CCDC38: variants seen among roughly 807,000 people sequenced by gnomAD.
CCDC38 encodes coiled-coil domain containing 38.
In CCDC38, 69 loss-of-function variants were observed where a neutral mutation model predicts 72.8. That is an observed-to-expected ratio of 0.95 (90% CI 0.78 to 1.16). CCDC38 has a LOEUF of 1.16. Among genes scored for constraint, CCDC38 ranks in the 50% most tolerant of loss-of-function variants. The probability of loss-of-function intolerance (pLI) is 0.00; values close to 1 mark genes in which losing one functional copy is unlikely to be tolerated. For synonymous variants in CCDC38, 201 were observed against 213.2 expected, an observed-to-expected ratio of 0.94 and a Z score of 0.50; for missense variants, 626 against 638.9, an observed-to-expected ratio of 0.98 and a Z score of 0.22.
intron 13 of CCDC38, among the ~76,000 whole-genome samples, chr12:95,876,390 A>G (rs1432717889): frequency 6.6e-6 from 1 of 152,202 alleles, no homozygotes; most frequent in Admixed American, 6.5e-5. Context: ...TGTACTTAAC[A>G]CTACTGACCC....
chr12:95,912,920 G>A (rs1232792057), intron 4 of CCDC38, among the ~76,000 whole-genome samples: 2 of 152,012 alleles, frequency 1.3e-5, no homozygotes, highest in East Asian at 1.9e-4. Flanking sequence ...AATTAGCCAG[G>A]CGTGGTCGTG....
rs761193961 is a variant in CCDC38 at position 95,878,308 on chromosome 12, A to AT, written c.1180dup (p.Met394AsnfsTer3). ...TTCTCTCACACAGTTAGCTTTAAGC[A>AT]TTTTTTCTTGCTCCAAAAGAAACTC... On this transcript the variant is annotated frameshift_variant, in exon 13 of 16. Coordinates refer to ENST00000344280, the MANE Select transcript of CCDC38 (RefSeq NM_182496.3). LOFTEE classifies it high-confidence loss of function. 14 of 1,613,314 alleles carry AT rather than the reference A, an allele frequency of 8.7e-6. No individual in the cohort carries two copies. Among genetic ancestry groups the AT allele is most frequent in the Admixed American group, 5.0e-5 (3 of 59,962 alleles).
intron 10 of CCDC38, among the ~76,000 whole-genome samples, 159 bp downstream of exon 10, chr12:95,888,299 C>G (rs960216386): frequency 6.6e-6 from 1 of 152,144 alleles, no homozygotes; most frequent in African/African-American, 2.4e-5. Flanking sequence ...GGAGAGAGGC[C>G]TGTGAGATCT....
At chr12:95,869,655 A>G in intron 14 of CCDC38, 82 bp from the exon 15 acceptor site, 1 of 995,662 alleles carries the variant, frequency 1.0e-6, no homozygotes, top group Non-Finnish European at 1.6e-6. Flanking sequence ...TTAATGAGCC[A>G]TGTGACTAGA....
At chr12:95,881,647 A>G in intron 10 of CCDC38, 93 bp from the exon 11 acceptor site, 2 of 889,464 alleles carry the variant, frequency 2.2e-6, no homozygotes, top group Non-Finnish European at 1.8e-6. Context: ...GTTGGAACCC[A>G]ACTGTAACAT....
chr12:95,931,832 T>C (rs1243020798), intron 2 of CCDC38, among the ~76,000 whole-genome samples: 2 of 152,122 alleles, frequency 1.3e-5, no homozygotes, highest in Non-Finnish European at 2.9e-5. Context: ...CAATTTTAAG[T>C]AGAGTGATCA....
chr12:95,870,745 C>T (rs2079572184), intron 14 of CCDC38, among the ~76,000 whole-genome samples: 1 of 152,100 alleles, frequency 6.6e-6, no homozygotes, highest in African/African-American at 2.4e-5. Flanking sequence ...AAGATCCCAT[C>T]AGGATCACCA....
chr12:95,893,386 C>T (rs1303464552), intron 8 of CCDC38, among the ~76,000 whole-genome samples: 1 of 150,052 alleles, frequency 6.7e-6, no homozygotes, highest in Non-Finnish European at 1.5e-5. Flanking sequence ...GACAGGTTTT[C>T]TTAGATTTAA....
At chr12:95,880,340 T>C (rs1044299132) in intron 11 of CCDC38, among the ~76,000 whole-genome samples, 2 of 152,220 alleles carry the variant, frequency 1.3e-5, no homozygotes, top group Non-Finnish European at 2.9e-5. Context: ...ACACATACTA[T>C]GGAATATTAT....
intron 10 of CCDC38, among the ~76,000 whole-genome samples, chr12:95,884,828 C>T (rs1000156490): frequency 1.1e-4 from 17 of 152,196 alleles, no homozygotes; most frequent in Non-Finnish European, 2.2e-4. Context: ...CTAATGACTT[C>T]ATCTTACTTT....
At chr12:95,888,588 T>C (rs975766322) in intron 9 of CCDC38, 82 bp from the exon 10 acceptor site, 5 of 1,251,824 alleles carry the variant, frequency 4.0e-6, no homozygotes, top group Admixed American at 1.7e-5. Flanking sequence ...AATGAGCCCG[T>C]GCACTTGGTG....
At chr12:95,900,635 G>C (rs750635993) in intron 5 of CCDC38, among the ~76,000 whole-genome samples, 20 of 152,066 alleles carry the variant, frequency 1.3e-4, no homozygotes, top group Non-Finnish European at 1.9e-4. Context: ...TGCTCATAAT[G>C]GTTACACCTG....
intron 14 of CCDC38, among the ~76,000 whole-genome samples, chr12:95,872,046 A>G (rs1173456494): frequency 1.3e-5 from 2 of 152,128 alleles, no homozygotes; most frequent in African/African-American, 4.8e-5. Flanking sequence ...GCTCATTACC[A>G]TTGGTAATGA....
Position 95,926,999 on chromosome 12 carries a change from TG to T in CCDC38, c.38-8024del, listed in dbSNP as rs570762402. 1.4e-3 allele frequency among the ~76,000 whole-genome samples: 216 copies of T among 152,292 alleles called. 1 individual carries two copies. The highest frequency in any genetic ancestry group is 4.5e-3 in the African/African-American group (188 of 41,544). On this transcript the variant is annotated intron_variant, in intron 2 of 15. Coordinates refer to ENST00000344280, the MANE Select transcript of CCDC38 (RefSeq NM_182496.3). ...TTTTGGAACAGGTATGGTGTGGTAC[TG>T]AAAAAAATGTATATTCTGTTGATTT...
At chr12:95,912,889 G>A (rs896000960) in intron 4 of CCDC38, among the ~76,000 whole-genome samples, 1 of 152,048 alleles carries the variant, frequency 6.6e-6, no homozygotes, top group African/African-American at 2.4e-5. Flanking sequence ...GCGAAGGCTT[G>A]TCTCTACAAA....
intron 8 of CCDC38, among the ~76,000 whole-genome samples, chr12:95,893,141 ATACAT>A (rs1313725321): frequency 1.3e-5 from 2 of 152,214 alleles, no homozygotes; most frequent in East Asian, 3.8e-4. Flanking sequence ...CATAAAACTT[ATACAT>A]TAGTTTTAGA....
chr12:95,881,690 G>A, intron 10 of CCDC38, 136 bp from the exon 11 acceptor site: 3 of 578,162 alleles, frequency 5.2e-6, no homozygotes, highest in Non-Finnish European at 6.1e-6. Context: ...AGCCTTTTAG[G>A]GAACTGCTGA....
Position 95,890,895 on chromosome 12 carries a change from G to A in CCDC38, c.808C>T (p.Leu270Phe). ...SLHSSNKEGI[L>F]EESGRTAVLS... ...ACAGCTGTCCTCCCGGACTCCTCAAGGATGCCTTCCTTGTTACTTGAATGT... is the reference window on the plus strand; with the variant it reads ...ACAGCTGTCCTCCCGGACTCCTCAAAGATGCCTTCCTTGTTACTTGAATGT... The change falls in exon 9 of 16, where the codon CTT (leucine) becomes TTT (phenylalanine). Residue 270 changes from leucine (L) to phenylalanine (F), a missense_variant. Leu to Phe is a conservative substitution (Grantham distance 22, BLOSUM62 0). Coordinates refer to ENST00000344280, the MANE Select transcript of CCDC38 (RefSeq NM_182496.3). 6.2e-7 allele frequency: 1 copy of A among 1,605,240 alleles called. No individual in the cohort carries two copies. Among genetic ancestry groups the A allele is most frequent in the Non-Finnish European group, 8.5e-7 (1 of 1,174,190 alleles).
chr12:95,878,974 TAA>T (rs2079668163), intron 12 of CCDC38, among the ~76,000 whole-genome samples: 1 of 152,260 alleles, frequency 6.6e-6, no homozygotes, highest in South Asian at 2.1e-4. Flanking sequence ...ACCTATTGTT[TAA>T]AAAGATTGCC....
Sources: allele counts gnomAD v4.1 joint callset (sites outside exome capture counted in the v4.1 genomes callset), GRCh38; gene constraint gnomAD v4.1.1; transcripts MANE v1.5; gene names NCBI Gene and HGNC (gene_info 2026-07-23, HGNC 2026-07-21).